The following SCUBE1 variants were observed in gnomAD, a reference collection of about 807,000 sequenced individuals.
SCUBE1 encodes signal peptide, CUB domain and EGF like domain containing 1, also known as signal peptide, CUB and EGF-like domain-containing protein 1.
SCUBE1 carries 59 observed loss-of-function variants against 124.4 expected under a neutral mutation model. The ratio of observed to expected loss-of-function variants is 0.47; its 90% CI spans 0.38 to 0.59. The LOEUF is 0.59. Ranked by LOEUF, SCUBE1 falls within the 20% of genes least tolerant of loss-of-function variation. The pLI is 0.00. For missense variants in SCUBE1, 1,150 were observed against 1,371.2 expected (o/e 0.84, Z 2.55); for synonymous variants, 545 against 550.9 (o/e 0.99, Z 0.15).
Position 43,203,913 on chromosome 22 carries a change from T to C in SCUBE1, c.*84A>G. 4 of 1,424,782 alleles carry C rather than the reference T, an allele frequency of 2.8e-6. No homozygotes were observed. The highest frequency in any genetic ancestry group is 2.9e-6 in the Non-Finnish European group (3 of 1,024,010). 88.3% of individuals were successfully genotyped at this position (1,424,782 alleles called of 1,614,324 possible). ...GTGCCATGGGGTTCCCAAGGTGGTG[T>C]GGAGGCCCATGCAGCTCCCACTGTG... On this transcript the variant is annotated 3_prime_UTR_variant, in exon 22 of 22. Transcript: ENST00000360835.
At position 43,343,188 on chromosome 22, in the gene SCUBE1, C is replaced by T. The variant is rs1332360543; in HGVS notation, c.74G>A (p.Gly25Asp). 4.2e-6 allele frequency: 5 copies of T among 1,187,248 alleles called. No homozygotes were observed. Among genetic ancestry groups the T allele is most frequent in the South Asian group, 6.1e-5 (2 of 32,976 alleles). 73.5% of individuals were successfully genotyped at this position (1,187,248 alleles called of 1,614,324 possible). Residue 25 changes from glycine (G) to aspartate (D), a missense_variant, in exon 1 of 22, where the codon GGC becomes GAC. Physicochemically the swap from Gly to Asp is moderately conservative, Grantham distance 94. Coordinates refer to ENST00000360835, the MANE Select transcript of SCUBE1 (RefSeq NM_173050.5). Reference protein sequence around the residue: ...ALGTRGRLAGGSGLPGSVDVD... With the variant: ...ALGTRGRLAGDSGLPGSVDVD... ...CGGGGGCTTACCTGGGAGCCCGCTG[C>T]CCCCGGCCAGCCGCCCGCGTGTGCC...
intron 3 of SCUBE1, among the ~76,000 whole-genome samples, chr22:43,298,242 T>C (rs768309923): frequency 1.6e-4 from 25 of 152,230 alleles, no homozygotes; most frequent in Non-Finnish European, 3.1e-4. Context: ...CTCTCCGAGC[T>C]GTCAAGAGCT....
At chr22:43,279,328 C>T (rs1924665812) in intron 4 of SCUBE1, among the ~76,000 whole-genome samples, 1 of 152,238 alleles carries the variant, frequency 6.6e-6, no homozygotes, top group Admixed American at 6.5e-5. Flanking sequence ...GTGCTTCTGA[C>T]AGTGGCCGCC....
At chr22:43,253,119 G>T (rs552411693) in intron 6 of SCUBE1, among the ~76,000 whole-genome samples, 286 of 147,078 alleles carry the variant, frequency 1.9e-3, no homozygotes, top group African/African-American at 7.0e-3. Context: ...AATACAACGT[G>T]GGGGCAGGAT....
intron 4 of SCUBE1, among the ~76,000 whole-genome samples, chr22:43,271,604 G>A (rs542956156): frequency 3.3e-5 from 5 of 152,094 alleles, no homozygotes; most frequent in South Asian, 2.1e-4. Context: ...GTGCGGCCTC[G>A]GCTTCAGTAG....
In SCUBE1 at chr22:43,208,196, C is replaced by T; in HGVS notation, c.2610G>A (p.Glu870=). The change falls in exon 20 of 22, where the codon GAG becomes GAA. Residue 870 remains glutamate, a synonymous_variant. Coordinates refer to ENST00000360835, the MANE Select transcript of SCUBE1 (RefSeq NM_173050.5). ...TGGGCCTCTCGTAGGTCTGGCAGGT[C>T]TCATAGGTGGTGATGGACGTGGGAG... ...SASPTSITTY[E]TCQTYERPIA... 2 of 1,614,068 alleles carry T rather than the reference C, an allele frequency of 1.2e-6. No individual in the cohort carries two copies. Among genetic ancestry groups the T allele is most frequent in the Middle Eastern group, 1.6e-4 (1 of 6,062 alleles).
intron 4 of SCUBE1, among the ~76,000 whole-genome samples, chr22:43,285,820 T>C (rs571642852): frequency 2.6e-5 from 4 of 152,280 alleles, no homozygotes; most frequent in African/African-American, 7.2e-5. Flanking sequence ...CGAGGCCAAA[T>C]AGGTGCGGGA....
chr22:43,335,380 A>G (rs1403424530), intron 2 of SCUBE1, among the ~76,000 whole-genome samples: 1 of 152,160 alleles, frequency 6.6e-6, no homozygotes, highest in Non-Finnish European at 1.5e-5. Flanking sequence ...TGAGAAAACC[A>G]GAGTGCTAAA....
intron 1 of SCUBE1, among the ~76,000 whole-genome samples, chr22:43,342,434 G>C (rs1227359720): frequency 1.3e-5 from 2 of 151,896 alleles, no homozygotes; most frequent in Non-Finnish European, 2.9e-5. Context: ...CCTGTCAGAC[G>C]GTCCCGGTCC....
intron 12 of SCUBE1, 131 bp from the exon 13 acceptor site, chr22:43,221,420 G>A (rs891243395): frequency 6.1e-6 from 4 of 654,464 alleles, no homozygotes; most frequent in Admixed American, 2.2e-5. Context: ...CCTGTGCCCC[G>A]ACAGCTCTCC....
chr22:43,263,878 C>T (rs983742859), intron 4 of SCUBE1, among the ~76,000 whole-genome samples: 1 of 152,162 alleles, frequency 6.6e-6, no homozygotes, highest in African/African-American at 2.4e-5. Flanking sequence ...CGAGTTAGCA[C>T]GGAAAGCGCT....
At chr22:43,249,951 G>A (rs1034663846) in intron 6 of SCUBE1, among the ~76,000 whole-genome samples, 2 of 152,274 alleles carry the variant, frequency 1.3e-5, no homozygotes, top group African/African-American at 2.4e-5. Flanking sequence ...CCTTTCTGGT[G>A]CTTTGCACCT....
intron 15 of SCUBE1, among the ~76,000 whole-genome samples, chr22:43,215,885 ACACACTCACACATGCATG>A (rs2146661003): frequency 6.6e-6 from 1 of 151,070 alleles, no homozygotes; most frequent in South Asian, 2.1e-4. Context: ...GGTGAAGACT[ACACACTCACACATGCATG>A]CACACTCACA....
intron 2 of SCUBE1, among the ~76,000 whole-genome samples, chr22:43,325,444 TAAAAA>T (rs35598383): frequency 4.5e-5 from 4 of 89,494 alleles, no homozygotes; most frequent in South Asian, 4.2e-4. Flanking sequence ...ACTCCGTCTT[TAAAAA>T]AAAAAAAAAA....
intron 7 of SCUBE1, chr22:43,232,269 G>C: frequency 5.1e-6 from 1 of 194,686 alleles, no homozygotes; most frequent in African/African-American, 2.3e-5. Flanking sequence ...GGAGCAGGCA[G>C]GCACCACTTC....
chr22:43,231,611 T>A (rs1397098804), intron 8 of SCUBE1, 142 bp downstream of exon 8: 1 of 969,564 alleles, frequency 1.0e-6, no homozygotes, highest in Admixed American at 2.5e-5. Context: ...GGATGTCCCC[T>A]AGAGTCGTAA....
At position 43,234,662 on chromosome 22, in the gene SCUBE1, A is replaced by G. The variant is rs996016998; in HGVS notation, c.845-2787T>C. 6.6e-6 allele frequency among the ~76,000 whole-genome samples: 1 copy of G among 151,938 alleles called. No individual in the cohort carries two copies. The highest frequency in any genetic ancestry group is 1.5e-5 in the Non-Finnish European group (1 of 67,942). On this transcript the variant is annotated intron_variant, in intron 7 of 21. Transcript: ENST00000360835. This position sits in a 1 kb window ranked among gnomAD's most constrained non-coding sequence, Gnocchi z 4.4. ...ATGGCCCCTGGGGTGCAGCTTTTGC[A>G]CCTCTCTGCCCTTCCGCTCCTTCCT...
At position 43,339,195 on chromosome 22, in the gene SCUBE1, G is replaced by C; in HGVS notation, c.129C>G (p.Asp43Glu). 1.9e-6 allele frequency: 3 copies of C among 1,613,814 alleles called. No homozygotes were observed. Among genetic ancestry groups the C allele is most frequent in the Admixed American group, 1.7e-5 (1 of 60,016 alleles). The change falls in exon 2 of 22, where the codon GAC becomes GAG. Residue 43 changes from aspartate (D) to glutamate (E), a missense_variant. By Grantham distance (45) the Asp-to-Glu change is conservative. Around this residue, in one of 3 missense-constraint regions of SCUBE1, gnomAD observed 337 missense variants for 482.1 expected, o/e 0.70. Coordinates refer to ENST00000360835, the MANE Select transcript of SCUBE1 (RefSeq NM_173050.5). ...DVDECSEGTD[D>E]CHIDAICQNT... Reference sequence around the variant, plus strand: ...TCTGACAGATGGCATCGATGTGGCAGTCATCTGTGCCCTCTGAGCACTCAT... The same window carrying C: ...TCTGACAGATGGCATCGATGTGGCACTCATCTGTGCCCTCTGAGCACTCAT...
chr22:43,243,796 C>T (rs1923099507), intron 6 of SCUBE1, among the ~76,000 whole-genome samples: 1 of 152,184 alleles, frequency 6.6e-6, no homozygotes, highest in South Asian at 2.1e-4. Flanking sequence ...CTTGCAAGGC[C>T]CAGGCAGAAC....
Sources: gnomAD v4.1 joint callset for allele counts (sites outside exome capture counted in the v4.1 genomes callset) on GRCh38, gnomAD v4.1.1 for gene constraint, gnomAD v4.1.1 regional missense constraint, Gnocchi (gnomAD v3.1) non-coding constraint, MANE v1.5 for transcripts, NCBI Gene and HGNC (gene_info 2026-07-23, HGNC 2026-07-21) for gene names.